The following BTD variants were observed in gnomAD, a reference collection of about 807,000 sequenced individuals.
BTD encodes the protein biotinidase, also known as biocytinase.
BTD carries 13 observed loss-of-function variants against 17.7 expected under a neutral mutation model. That is an observed-to-expected ratio of 0.74 (90% CI 0.48 to 1.17). The LOEUF is 1.17. BTD is among the 50% of genes most tolerant of loss of function. The pLI is 0.00. For synonymous variants in BTD, 240 were observed against 245.2 expected (o/e 0.98, Z 0.20); for missense variants, 674 against 650.4 (o/e 1.04, Z -0.39).
At chr3:15,686,105 A>G in intron 3 of BTD, 2 of 1,613,282 alleles carry the variant, frequency 1.2e-6, no homozygotes, top group Non-Finnish European at 8.5e-7. Flanking sequence ...GAGAACAGAT[A>G]GCATCAGAGG....
chr3:15,704,509 C>A (rs1027717521), intron 3 of BTD, among the ~76,000 whole-genome samples: 1 of 151,948 alleles, frequency 6.6e-6, no homozygotes, highest in Non-Finnish European at 1.5e-5. Flanking sequence ...TTTTAAAAAA[C>A]CATTTAAAAA....
In BTD at chr3:15,650,204, T is replaced by C. The variant is rs1224112152; in HGVS notation, c.*4716T>C. Among the ~76,000 whole-genome samples, 1 of 152,236 alleles carries C rather than the reference T, an allele frequency of 6.6e-6. No individual in the cohort carries two copies. Among genetic ancestry groups the C allele is most frequent in the Non-Finnish European group, 1.5e-5 (1 of 68,036 alleles). ...AGGTAGTCACAAAGAATGTTTAGAA[T>C]GTTTCTCAGACAGGCTGAGAAAAAA... On this transcript the variant is annotated 3_prime_UTR_variant, in exon 4 of 4. Transcript: ENST00000643237.
intron 1 of BTD, chr3:15,602,355 A>G (rs1304477068): frequency 3.0e-6 from 3 of 1,001,752 alleles, no homozygotes; most frequent in Middle Eastern, 5.0e-4. Context: ...ACTAATCCAT[A>G]TTACTCTCCG....
intron 1 of BTD, among the ~76,000 whole-genome samples, chr3:15,606,042 CAAAAAAAA>C (rs11369757): frequency 4.6e-5 from 3 of 64,954 alleles, no homozygotes; most frequent in Non-Finnish European, 8.6e-5. Flanking sequence ...GACCCTGTCT[CAAAAAAAA>C]AAAAAAAAAA....
chr3:15,631,378 T>C (rs902292795), intron 1 of BTD: 3 of 1,347,112 alleles, frequency 2.2e-6, no homozygotes, highest in Non-Finnish European at 3.0e-6. Flanking sequence ...TATCTGCCTC[T>C]GAAATTATTA....
chr3:15,682,115 C>CAACT (rs2067610526), intron 3 of BTD, among the ~76,000 whole-genome samples: 1 of 152,054 alleles, frequency 6.6e-6, no homozygotes, highest in Non-Finnish European at 1.5e-5. Flanking sequence ...GATGAGAACC[C>CAACT]AACTATTCTC....
chr3:15,679,360 A>T, intron 3 of BTD: 2 of 1,613,730 alleles, frequency 1.2e-6, no homozygotes, highest in Non-Finnish European at 1.7e-6. Context: ...TTAACATCTC[A>T]GCAGCACCTT....
At chr3:15,639,881 G>A (rs562327700) in intron 2 of BTD, among the ~76,000 whole-genome samples, 94 of 151,300 alleles carry the variant, frequency 6.2e-4, no homozygotes, top group Non-Finnish European at 1.1e-3. Flanking sequence ...GGTCCAAAGC[G>A]GGCGGATCAC....
At chr3:15,710,642 T>C (rs1240382122) in exon 4 of BTD, among the ~76,000 whole-genome samples, 1 of 152,186 alleles carries the variant, frequency 6.6e-6, no homozygotes, top group African/African-American at 2.4e-5. Flanking sequence ...AGATCTAAAT[T>C]ATCAGAAGCA....
chr3:15,682,146 T>C (rs1478051710), intron 3 of BTD, among the ~76,000 whole-genome samples: 1 of 152,158 alleles, frequency 6.6e-6, no homozygotes, highest in Non-Finnish European at 1.5e-5. Flanking sequence ...TATGAAGAGA[T>C]GTACTACTCT....
intron 1 of BTD, among the ~76,000 whole-genome samples, chr3:15,624,697 A>G (rs2065027069): frequency 6.6e-6 from 1 of 151,948 alleles, no homozygotes; most frequent in South Asian, 2.1e-4. Context: ...GATAATTACA[A>G]CATCCCTGCC....
intron 3 of BTD, chr3:15,679,710 A>G: frequency 1.5e-6 from 1 of 657,866 alleles, no homozygotes; most frequent in Middle Eastern, 4.2e-4. Flanking sequence ...AACCATTGGT[A>G]GCTGTTAAGC....
In BTD at chr3:15,721,470, T is replaced by C. The variant is rs144782344; in HGVS notation, c.1016-300T>C. 5.5e-3 allele frequency among the ~76,000 whole-genome samples: 833 copies of C among 152,308 alleles called. 7 individuals carry two copies. Among genetic ancestry groups the C allele is most frequent in the South Asian group, 0.018 (89 of 4,826 alleles). ...GTAAAGGATTTACTATAGAATTAAT[T>C]ATAATCATAAAAAATGAACACAAAC... On this transcript the variant is annotated intron_variant, in intron 4 of 4. Coordinates refer to the BTD transcript ENST00000672427.
At chr3:15,611,373 A>C (rs991827760) in intron 1 of BTD, among the ~76,000 whole-genome samples, 1 of 152,140 alleles carries the variant, frequency 6.6e-6, no homozygotes, top group Non-Finnish European at 1.5e-5. Flanking sequence ...AAAGAGAGGG[A>C]TCCTGGGTCC....
At chr3:15,673,381 G>A (rs139223071) in intron 3 of BTD, among the ~76,000 whole-genome samples, 2 of 152,288 alleles carry the variant, frequency 1.3e-5, no homozygotes, top group East Asian at 3.9e-4. Flanking sequence ...CACTCATGCA[G>A]CAAATATTCA....
chr3:15,699,709 G>T (rs1052060585), intron 3 of BTD, among the ~76,000 whole-genome samples: 2 of 152,200 alleles, frequency 1.3e-5, no homozygotes, highest in African/African-American at 4.8e-5. Flanking sequence ...CAGTTAGAAT[G>T]GCCATCATTA....
chr3:15,713,969 C>G (rs1416857379), downstream of BTD, among the ~76,000 whole-genome samples: 2 of 152,170 alleles, frequency 1.3e-5, no homozygotes, highest in African/African-American at 2.4e-5. Flanking sequence ...AATGTGCATA[C>G]TCTGTCATCA....
At position 15,651,859 on chromosome 3, in the gene BTD, A is replaced by G. The variant is rs1472637833; in HGVS notation, c.*6371A>G. 1.3e-5 allele frequency among the ~76,000 whole-genome samples: 2 copies of G among 152,172 alleles called. No homozygotes were observed. The highest frequency in any genetic ancestry group is 2.4e-5 in the African/African-American group (1 of 41,436). On this transcript the variant is annotated 3_prime_UTR_variant, in exon 4 of 4. Transcript: ENST00000643237. ...TGAGAAGAAATAGAGGAGTTAGGGG[A>G]GAGAGAAGCTTCTTAATGAAAATAA...
chr3:15,720,967 C>G, intron 4 of BTD: 1 of 1,613,834 alleles, frequency 6.2e-7, no homozygotes, highest in Non-Finnish European at 8.5e-7. Context: ...ACACAATGCT[C>G]CATGTGTTGA....
Sources: gnomAD v4.1 joint callset for allele counts (sites outside exome capture counted in the v4.1 genomes callset) on GRCh38, gnomAD v4.1.1 for gene constraint, MANE v1.5 for transcripts, NCBI Gene and HGNC (gene_info 2026-07-23, HGNC 2026-07-21) for gene names.